The following VPS13B variants were observed in gnomAD, a reference collection of about 807,000 sequenced individuals.
VPS13B encodes intermembrane lipid transfer protein VPS13B.
In VPS13B, 285 loss-of-function variants were observed where a neutral mutation model predicts 426.4. The ratio of observed to expected loss-of-function variants is 0.67; its 90% CI spans 0.61 to 0.74. The LOEUF is 0.74. Among genes scored for constraint, VPS13B ranks in the 30% least tolerant of loss-of-function variants. The pLI is 0.00. For missense variants in VPS13B, 4,537 were observed against 4,782.6 expected (o/e 0.95, Z 1.51); for synonymous variants, 1,676 against 1,676.4 (o/e 1.00, Z 0.01).
intron 17 of VPS13B, among the ~76,000 whole-genome samples, chr8:99,270,129 A>ATATTTTTTTT (rs1370378172): frequency 1.8e-4 from 3 of 16,826 alleles, no homozygotes; most frequent in Non-Finnish European, 4.6e-4. Flanking sequence ...AGATATAAGA[A>ATATTTTTTTT]TCTTTTTTTT....
chr8:99,268,918 T>A (rs1159284908), intron 17 of VPS13B, among the ~76,000 whole-genome samples: 1 of 152,168 alleles, frequency 6.6e-6, no homozygotes, highest in South Asian at 2.1e-4. Flanking sequence ...AGTTGGATCA[T>A]GGAGGTGGTT....
chr8:99,451,749 C>A (rs891344877), intron 23 of VPS13B, among the ~76,000 whole-genome samples: 3 of 152,146 alleles, frequency 2.0e-5, no homozygotes, highest in African/African-American at 7.2e-5. Flanking sequence ...CTCTTCACTT[C>A]CTTTAATTCA....
chr8:99,351,203 T>C (rs1334948245), intron 19 of VPS13B, among the ~76,000 whole-genome samples: 1 of 152,216 alleles, frequency 6.6e-6, no homozygotes, highest in Non-Finnish European at 1.5e-5. Flanking sequence ...ATTATGTTTA[T>C]TTTACAGCAT....
intron 21 of VPS13B, among the ~76,000 whole-genome samples, chr8:99,416,102 A>G (rs962510633): frequency 7.9e-5 from 12 of 152,164 alleles, no homozygotes; most frequent in Non-Finnish European, 1.6e-4. Context: ...TTTCTTTCAG[A>G]GATGCTCTGC....
At chr8:99,653,079 A>C (rs1271141250) in intron 34 of VPS13B, among the ~76,000 whole-genome samples, 1 of 152,168 alleles carries the variant, frequency 6.6e-6, no homozygotes, top group Non-Finnish European at 1.5e-5. Context: ...CAAACAGCTA[A>C]ATTTCTTGGT....
At chr8:99,297,637 A>G (rs2133062661) in intron 19 of VPS13B, among the ~76,000 whole-genome samples, 1 of 152,356 alleles carries the variant, frequency 6.6e-6, no homozygotes, top group East Asian at 1.9e-4. Context: ...AAAAATATTA[A>G]GAAGTGTTAG....
At chr8:99,363,626 T>A (rs1174496693) in intron 19 of VPS13B, among the ~76,000 whole-genome samples, 1 of 152,216 alleles carries the variant, frequency 6.6e-6, no homozygotes, top group Non-Finnish European at 1.5e-5. Context: ...TTTATTTTAT[T>A]GTGCCTTCTT....
chr8:99,511,116 C>G lies in VPS13B; in HGVS notation c.4237C>G (p.Leu1413Val). Residue 1413 changes from leucine to valine, a missense_variant, in exon 29 of 62, where the codon CTT becomes GTT. This residue lies in a region of VPS13B where 4,311 missense variants were observed against 4,474.3 expected (regional missense o/e 0.96). Coordinates refer to ENST00000357162, the MANE Select transcript of VPS13B (RefSeq NM_152564.5). ...CKEKSVTTTKLLDGTHQQHGF... is the reference protein window; with the variant it reads ...CKEKSVTTTKVLDGTHQQHGF... ...TTTTTTGGAACAGACAACTACAAAA[C>G]TTCTAGATGGCACTCATCAGCAGCA... 6.2e-7 allele frequency: 1 copy of G among 1,612,818 alleles called. No homozygotes were observed. The highest frequency in any genetic ancestry group is 8.5e-7 in the Non-Finnish European group (1 of 1,179,938).
chr8:99,385,996 TA>T (rs1814099244), intron 20 of VPS13B, among the ~76,000 whole-genome samples: 1 of 152,082 alleles, frequency 6.6e-6, no homozygotes, highest in African/African-American at 2.4e-5. Flanking sequence ...TTTTGAAGGG[TA>T]AAGAGGAGCT....
At chr8:99,197,131 A>G (rs552912723) in intron 17 of VPS13B, among the ~76,000 whole-genome samples, 1 of 152,186 alleles carries the variant, frequency 6.6e-6, no homozygotes, top group South Asian at 2.1e-4. Flanking sequence ...ATATTTATTG[A>G]CTTGTATTTG....
chr8:99,620,411 C>T (rs1023329487), intron 33 of VPS13B, among the ~76,000 whole-genome samples: 16 of 152,084 alleles, frequency 1.1e-4, no homozygotes, highest in African/African-American at 3.9e-4. Flanking sequence ...TTTGTGTGGG[C>T]AGCCTACAGC....
intron 19 of VPS13B, among the ~76,000 whole-genome samples, chr8:99,373,260 C>A (rs1478422908): frequency 6.6e-6 from 1 of 151,692 alleles, no homozygotes; most frequent in Non-Finnish European, 1.5e-5. Context: ...AGCAGACCAC[C>A]ATGGCACATG....
chr8:99,095,401 A>G (rs1846367021), intron 3 of VPS13B, among the ~76,000 whole-genome samples: 1 of 152,096 alleles, frequency 6.6e-6, no homozygotes, highest in Admixed American at 6.6e-5. Context: ...GGTTCCTCCC[A>G]CCACCCCTCA....
chr8:99,850,936 C>A (rs943818802), intron 55 of VPS13B, among the ~76,000 whole-genome samples: 1 of 151,946 alleles, frequency 6.6e-6, no homozygotes. Context: ...GGAAAAAAAA[C>A]AAAACAAAAC....
intron 31 of VPS13B, among the ~76,000 whole-genome samples, chr8:99,557,142 A>C (rs776700651): frequency 6.6e-6 from 1 of 151,800 alleles, no homozygotes; most frequent in Non-Finnish European, 1.5e-5. Context: ...ATCTTTTTAA[A>C]TTTTTTTTAT....
At chr8:99,761,788 G>A (rs1810942187) in intron 39 of VPS13B, among the ~76,000 whole-genome samples, 1 of 151,908 alleles carries the variant, frequency 6.6e-6, no homozygotes, top group African/African-American at 2.4e-5. Flanking sequence ...TTGTACTTGT[G>A]TTTATGCAAC....
chr8:99,536,507 C>A, intron 30 of VPS13B: 2 of 335,608 alleles, frequency 6.0e-6, no homozygotes, highest in East Asian at 8.2e-5. Flanking sequence ...CACTTAATAC[C>A]ATAGTTATTT....
At chr8:99,816,485 A>C (rs1588741298) in intron 44 of VPS13B, among the ~76,000 whole-genome samples, 1 of 152,188 alleles carries the variant, frequency 6.6e-6, no homozygotes, top group East Asian at 1.9e-4. Context: ...TTTAGTGGAT[A>C]AATCTGTGTG....
At chr8:99,052,639 C>T (rs940983783) in intron 3 of VPS13B, among the ~76,000 whole-genome samples, 4 of 149,696 alleles carry the variant, frequency 2.7e-5, no homozygotes, top group Admixed American at 6.7e-5. Context: ...TGGTAGAATT[C>T]GGCCGTGAAT....
Sources: gnomAD v4.1 joint callset for allele counts (sites outside exome capture counted in the v4.1 genomes callset) on GRCh38, gnomAD v4.1.1 for gene constraint, gnomAD v4.1.1 regional missense constraint, MANE v1.5 for transcripts, NCBI Gene and HGNC (gene_info 2026-07-23, HGNC 2026-07-21) for gene names.